The following IL17RD variants were observed in gnomAD, a reference collection of about 807,000 sequenced individuals.
IL17RD encodes the protein interleukin 17 receptor D.
IL17RD carries 52 observed loss-of-function variants against 80.5 expected under a neutral mutation model. The ratio of observed to expected loss-of-function variants is 0.65; its 90% CI spans 0.52 to 0.81. IL17RD has a LOEUF of 0.81. IL17RD is among the 40% of genes least tolerant of loss of function. The pLI, the probability that IL17RD is intolerant of heterozygous loss-of-function variation, is 0.00. For missense variants in IL17RD, 1,024 were observed against 955.1 expected (o/e 1.07, Z -0.95); for synonymous variants, 416 against 391.8 (o/e 1.06, Z -0.73).
At chr3:57,136,345 C>G (rs2107521497) in intron 1 of IL17RD, among the ~76,000 whole-genome samples, 1 of 152,306 alleles carries the variant, frequency 6.6e-6, no homozygotes, top group Middle Eastern at 3.4e-3. Context: ...GCCTCAAAAA[C>G]AGCCTGGCCA....
chr3:57,139,590 T>C (rs749215450), intron 1 of IL17RD, among the ~76,000 whole-genome samples: 5 of 151,538 alleles, frequency 3.3e-5, no homozygotes, highest in Non-Finnish European at 5.9e-5. Flanking sequence ...CTCAGCTCAA[T>C]GCAGCCTCTG....
At chr3:57,104,309 A>T (rs1326823853) in intron 8 of IL17RD, 33 bp downstream of exon 8, 2 of 1,449,148 alleles carry the variant, frequency 1.4e-6, no homozygotes, top group Admixed American at 3.5e-5. Flanking sequence ...TTCATTCTAT[A>T]GCATTAATAG....
chr3:57,122,737 T>G (rs1157980556), intron 1 of IL17RD, among the ~76,000 whole-genome samples: 3 of 71,992 alleles, frequency 4.2e-5, no homozygotes, highest in Non-Finnish European at 8.4e-5. Flanking sequence ...TCTCCTCAAC[T>G]GTCTTTTTTT....
intron 1 of IL17RD, among the ~76,000 whole-genome samples, chr3:57,146,989 ATTT>A (rs1244457109): frequency 0.012 from 1,485 of 126,476 alleles, 25 homozygotes; most frequent in African/African-American, 0.039. Context: ...TGCCCGGCTA[ATTT>A]TTTTTTTTTT....
intron 3 of IL17RD, among the ~76,000 whole-genome samples, chr3:57,113,193 A>G (rs1707136528): frequency 6.6e-6 from 1 of 152,140 alleles, no homozygotes; most frequent in Non-Finnish European, 1.5e-5. Flanking sequence ...CTAGCCATAT[A>G]ATACAGGTTT....
intron 1 of IL17RD, among the ~76,000 whole-genome samples, chr3:57,158,790 A>T (rs2060284867): frequency 6.6e-6 from 1 of 152,200 alleles, no homozygotes; most frequent in African/African-American, 2.4e-5. Flanking sequence ...TAAATTGTTC[A>T]ATTTTTAGTT....
At chr3:57,109,043 G>A (rs1260051941) in intron 5 of IL17RD, among the ~76,000 whole-genome samples, 2 of 152,174 alleles carry the variant, frequency 1.3e-5, no homozygotes, top group African/African-American at 2.4e-5. Flanking sequence ...CCGGTTAGAT[G>A]AGCAGTGTCT....
chr3:57,119,657 CACA>C (rs1707292045), intron 2 of IL17RD, among the ~76,000 whole-genome samples: 1 of 19,632 alleles, frequency 5.1e-5, no homozygotes, highest in Non-Finnish European at 1.8e-4. Context: ...AACCCAGTTT[CACA>C]CAGATTCACC....
At chr3:57,168,464 G>C (rs951417451), upstream of IL17RD, among the ~76,000 whole-genome samples, 4 of 152,142 alleles carry the variant, frequency 2.6e-5, no homozygotes, top group African/African-American at 9.6e-5. Flanking sequence ...AGCCTTAAGC[G>C]TCCAGTCTAA....
chr3:57,106,203 A>G (rs1220708205), intron 5 of IL17RD, 49 bp from the exon 6 acceptor site: 3 of 1,398,620 alleles, frequency 2.1e-6, no homozygotes, highest in Non-Finnish European at 3.0e-6. Flanking sequence ...ACAGTTAGAC[A>G]TTTTCCTCTC....
chr3:57,148,292 T>C (rs1707978560), intron 1 of IL17RD, among the ~76,000 whole-genome samples: 1 of 141,056 alleles, frequency 7.1e-6, no homozygotes, highest in African/African-American at 2.7e-5. Flanking sequence ...GCCACTGCAC[T>C]CCAGCCTGGG....
At chr3:57,153,633 G>A (rs528852059) in intron 1 of IL17RD, among the ~76,000 whole-genome samples, 1 of 152,294 alleles carries the variant, frequency 6.6e-6, no homozygotes, top group East Asian at 1.9e-4. Flanking sequence ...TTATGAATTG[G>A]TAACTTTAGA....
intron 1 of IL17RD, among the ~76,000 whole-genome samples, chr3:57,143,241 T>C (rs1258761199): frequency 1.3e-5 from 2 of 152,336 alleles, no homozygotes; most frequent in African/African-American, 2.4e-5. Context: ...TCTGCCACCT[T>C]ACACCAGGAT....
intron 7 of IL17RD, among the ~76,000 whole-genome samples, chr3:57,105,552 A>AAAAAAAAAAAAATATATATATATATAT: frequency 1.6e-5 from 1 of 63,590 alleles, no homozygotes; most frequent in Non-Finnish European, 2.8e-5. Flanking sequence ...AAAAAAAAAA[A>AAAAAAAAAAAAATATATATATATATAT]ATATATATAT....
chr3:57,156,244 G>GTA, intron 1 of IL17RD, among the ~76,000 whole-genome samples: 1 of 152,196 alleles, frequency 6.6e-6, no homozygotes, highest in South Asian at 2.1e-4. Context: ...AAAGAGCATG[G>GTA]TCAGGTCTGA....
At chr3:57,119,665 T>G (rs1270885715) in intron 2 of IL17RD, among the ~76,000 whole-genome samples, 2 of 17,894 alleles carry the variant, frequency 1.1e-4, no homozygotes, top group East Asian at 5.2e-4. Flanking sequence ...TTCACACAGA[T>G]TCACCTTGTG....
intron 1 of IL17RD, among the ~76,000 whole-genome samples, chr3:57,156,149 G>C (rs557992546): frequency 6.6e-6 from 1 of 152,280 alleles, no homozygotes; most frequent in South Asian, 2.1e-4. Flanking sequence ...GATGGACAAA[G>C]AAAATACTAT....
intron 1 of IL17RD, 82 bp downstream of exon 1, chr3:57,165,079 G>A: frequency 2.2e-6 from 3 of 1,388,472 alleles, no homozygotes; most frequent in African/African-American, 1.5e-5. Flanking sequence ...GGTTGGCGCG[G>A]GCTCGCCTCC....
In IL17RD at chr3:57,101,349, G is replaced by A; in HGVS notation, c.994C>T (p.His332Tyr). ...GACTCAGAGCTCTCTTCATCTAAAT[G>A]TGAATATATATTTTCTAAATTGGAA... The part of the protein sequence containing the change: ...RKKQQENIYS[H>Y]LDEESSESST... The change falls in exon 11 of 13, where the codon CAT becomes TAT. Residue 332 changes from histidine (H) to tyrosine (Y), a missense_variant. Physicochemically the swap from His to Tyr is moderately conservative, Grantham distance 83. Transcript: ENST00000296318. The A allele has an allele frequency of 6.2e-7, 1 of 1,600,134 alleles. No individual in the cohort carries two copies. Among genetic ancestry groups the A allele is most frequent in the Non-Finnish European group, 8.5e-7 (1 of 1,170,436 alleles).
Sources: gnomAD v4.1 joint callset for allele counts (sites outside exome capture counted in the v4.1 genomes callset) on GRCh38, gnomAD v4.1.1 for gene constraint, MANE v1.5 for transcripts, NCBI Gene and HGNC (gene_info 2026-07-23, HGNC 2026-07-21) for gene names.